DYRK1B: variants seen among roughly 807,000 people sequenced by gnomAD.
DYRK1B encodes dual specificity tyrosine phosphorylation regulated kinase 1B, also known as dual specificity tyrosine-phosphorylation-regulated kinase 1B.
Under a neutral mutation model 57.1 loss-of-function variants are expected in DYRK1B, and 20 were observed. That is an observed-to-expected ratio of 0.35 (90% CI 0.25 to 0.51). The LOEUF is 0.51. Among genes scored for constraint, DYRK1B ranks in the 20% least tolerant of loss-of-function variants. The pLI is 0.96. For synonymous variants in DYRK1B, 409 were observed against 384.7 expected (o/e 1.06, Z -0.74); for missense variants, 732 against 886.3 (o/e 0.83, Z 2.21).
Position 39,827,376 on chromosome 19 carries a change from G to A in DYRK1B, c.1004C>T (p.Ala335Val), listed in dbSNP as rs768240931. The part of the protein sequence containing the change: ...IVEVLGIPPA[A>V]MLDQAPKARK... ...AGCCTTGGGCGCCTGGTCCAGCATGGCGGCCGGTGGGATGCCCAGCACCTC... is the reference window on the plus strand; with the variant it reads ...AGCCTTGGGCGCCTGGTCCAGCATGACGGCCGGTGGGATGCCCAGCACCTC... Residue 335 changes from alanine (A) to valine (V), a missense_variant, in exon 8 of 11, where the codon GCC becomes GTC. Coordinates refer to ENST00000323039, the MANE Select transcript of DYRK1B (RefSeq NM_004714.3). 2 of 1,613,710 alleles carry A rather than the reference G, an allele frequency of 1.2e-6. No individual in the cohort carries two copies. Among genetic ancestry groups the A allele is most frequent in the Non-Finnish European group, 1.7e-6 (2 of 1,179,714 alleles).
At chr19:39,830,867 C>A in intron 2 of DYRK1B, 84 bp from the exon 3 acceptor site, 1 of 1,473,708 alleles carries the variant, frequency 6.8e-7, no homozygotes, top group Non-Finnish European at 9.1e-7. Context: ...GCTGCTGGCA[C>A]ATCATGTATT....
chr19:39,833,503 C>A, intron 1 of DYRK1B: 1 of 242,048 alleles, frequency 4.1e-6, no homozygotes, highest in Non-Finnish European at 6.7e-6. Context: ...CAGCCCAGGG[C>A]ACGCGGGGGA....
Position 39,825,422 on chromosome 19 carries a change from T to C in DYRK1B, c.*293A>G. 2.5e-6 allele frequency: 1 copy of C among 399,752 alleles called. No individual in the cohort carries two copies. Among genetic ancestry groups the C allele is most frequent in the Non-Finnish European group, 4.5e-6 (1 of 221,584 alleles). The allele number at this position is 399,752 out of a possible 1,614,324, so 24.8% of individuals were successfully genotyped here. A position where few individuals can be genotyped will look rare whatever the true frequency, so the allele number is the denominator to read the frequency against. On this transcript the variant is annotated 3_prime_UTR_variant, in exon 11 of 11. Transcript: ENST00000323039. ...TCTCCCCCTACCTGCCCCCACCCCC[T>C]CCTAGGGTCCTGGGGTGAGGGGGGG...
intron 1 of DYRK1B, chr19:39,833,554 C>A (rs751872915): frequency 6.2e-6 from 1 of 162,538 alleles, no homozygotes; most frequent in Non-Finnish European, 1.3e-5. Context: ...ACACGCCCCA[C>A]CCTGAGTGAC....
chr19:39,828,407 G>A lies in DYRK1B; in HGVS notation c.697C>T (p.Leu233Phe). ...TTGAGGTCGCAGTGAATGATGCTGA[G>A]CTCAGGCGTGGCCAGAAAGAGCAGT... is the stretch of plus-strand genomic sequence containing the variant. Reference protein sequence around the residue: ...TALLFLATPELSIIHCDLKPE... With the variant: ...TALLFLATPEFSIIHCDLKPE... The change falls in exon 6 of 11, where the codon CTC (leucine) becomes TTC (phenylalanine). Residue 233 changes from leucine to phenylalanine, a missense_variant. Transcript: ENST00000323039. This position sits in a 1 kb window ranked among gnomAD's most constrained non-coding sequence, Gnocchi z 4.3. 6.2e-7 allele frequency: 1 copy of A among 1,614,070 alleles called. No homozygotes were observed. The highest frequency in any genetic ancestry group is 8.5e-7 in the Non-Finnish European group (1 of 1,179,968).
chr19:39,829,833 C>A, intron 5 of DYRK1B, 47 bp downstream of exon 5: 1 of 1,600,592 alleles, frequency 6.2e-7, no homozygotes, highest in Non-Finnish European at 8.5e-7. Context: ...CTGGCTCCAG[C>A]TCCCGCTATC....
chr19:39,826,626 A>T lies in DYRK1B; in HGVS notation c.1411+46T>A, dbSNP rs1369628818. 6.6e-7 allele frequency: 1 copy of T among 1,518,548 alleles called. No individual in the cohort carries two copies. Among genetic ancestry groups the T allele is most frequent in the East Asian group, 2.4e-5 (1 of 41,090 alleles). The allele number at this position is 1,518,548 out of a possible 1,614,324, so 94.1% of individuals were successfully genotyped here. A position where few individuals can be genotyped will look rare whatever the true frequency, so the allele number is the denominator to read the frequency against. ...GGTCCCCCAGGACAGGCCAAACCTG[A>T]GCAGCCCCCACCCGTTGTACCCCAT... is the stretch of plus-strand genomic sequence containing the variant. On this transcript the variant is annotated intron_variant, in intron 9 of 10. Coordinates refer to ENST00000323039, the MANE Select transcript of DYRK1B (RefSeq NM_004714.3). This position sits in a 1 kb window ranked among gnomAD's most constrained non-coding sequence, Gnocchi z 6.3.
chr19:39,833,039 A>T, intron 1 of DYRK1B: 1 of 985,254 alleles, frequency 1.0e-6, no homozygotes, highest in Non-Finnish European at 1.2e-6. Context: ...GAGGGCCTCA[A>T]AGTCAAATCC....
intron 5 of DYRK1B, 43 bp downstream of exon 5, chr19:39,829,837 C>T (rs747709737): frequency 2.5e-5 from 40 of 1,602,882 alleles, no homozygotes; most frequent in Non-Finnish European, 2.9e-5. Flanking sequence ...CTCCAGCTCC[C>T]GCTATCCCAG....
rs1471457735 is a variant in DYRK1B at position 39,825,511 on chromosome 19, CCCAAGGGT to C, written c.*196_*203del. On this transcript the variant is annotated 3_prime_UTR_variant, in exon 11 of 11. Transcript: ENST00000323039. ...AAATAGAAAAAAAGGGGGAGAGGGGCCCAAGGGTCCAGTCCTTAGTGGGGAGGGAGCGG... is the reference window on the plus strand; with the variant it reads ...AAATAGAAAAAAAGGGGGAGAGGGGCCCAGTCCTTAGTGGGGAGGGAGCGG... The C allele has an allele frequency of 1.2e-5, 7 of 587,374 alleles. No homozygotes were observed. The highest frequency in any genetic ancestry group is 4.6e-4 in the Middle Eastern group (1 of 2,182). The allele number at this position is 587,374 out of a possible 1,614,324, so 36.4% of individuals were successfully genotyped here. A position where few individuals can be genotyped will look rare whatever the true frequency, so the allele number is the denominator to read the frequency against.
At position 39,830,646 on chromosome 19, in the gene DYRK1B, C is replaced by T; in HGVS notation, c.183+18G>A. 1 of 1,612,878 alleles carries T rather than the reference C, an allele frequency of 6.2e-7. No homozygotes were observed. ...AGACCCTCGGCACCCAGCCCAGGAT[C>T]CCCCAGCCCCTGCCCACCTCATTGA... On this transcript the variant is annotated intron_variant, in intron 3 of 10. Coordinates refer to ENST00000323039, the MANE Select transcript of DYRK1B (RefSeq NM_004714.3).
chr19:39,829,788 T>A (rs1450158186), intron 5 of DYRK1B, 92 bp downstream of exon 5: 1 of 1,446,750 alleles, frequency 6.9e-7, no homozygotes, highest in Admixed American at 2.2e-5. Context: ...ATCAGCCTCC[T>A]CCTGAGAGTA....
Position 39,826,356 on chromosome 19 carries a change from G to T in DYRK1B, c.1412-70C>A. 1 of 1,293,860 alleles carries T rather than the reference G, an allele frequency of 7.7e-7. No homozygotes were observed. The highest frequency in any genetic ancestry group is 1.1e-6 in the Non-Finnish European group (1 of 944,838). 80.1% of individuals were successfully genotyped at this position (1,293,860 alleles called of 1,614,324 possible). On this transcript the variant is annotated intron_variant, in intron 9 of 10. Coordinates refer to ENST00000323039, the MANE Select transcript of DYRK1B (RefSeq NM_004714.3). The surrounding 1 kb of genome is among the most constrained non-coding windows in gnomAD (Gnocchi z 6.3). ...AAGGTGGCGAGTGGGTTTTGGGATG[G>T]CTGAGGGAAGGTCACGGCCCAGGCT...
intron 5 of DYRK1B, chr19:39,829,606 T>C: frequency 2.9e-6 from 1 of 339,556 alleles, no homozygotes; most frequent in Non-Finnish European, 5.3e-6. Flanking sequence ...AATAATGCCC[T>C]TCCCCTTATG....
Position 39,828,197 on chromosome 19 carries a change from C to CTAA in DYRK1B, c.807+97_807+99dup. On this transcript the variant is annotated intron_variant, in intron 6 of 10. Transcript: ENST00000323039. This position sits in a 1 kb window ranked among gnomAD's most constrained non-coding sequence, Gnocchi z 4.3. ...CATTATCCCTCAGTTCCCACGGCTC[C>CTAA]TAATAATCCCATCCCAGCCAAGCCC... 1.5e-6 allele frequency: 2 copies of CTAA among 1,347,374 alleles called. No homozygotes were observed. Among genetic ancestry groups the CTAA allele is most frequent in the Non-Finnish European group, 2.0e-6 (2 of 985,126 alleles). The allele number at this position is 1,347,374 out of a possible 1,614,324, so 83.5% of individuals were successfully genotyped here.
At position 39,825,854 on chromosome 19, in the gene DYRK1B, G is replaced by A. The variant is rs1968502940; in HGVS notation, c.1751C>T (p.Pro584Leu). 2 of 1,607,278 alleles carry A rather than the reference G, an allele frequency of 1.2e-6. No individual in the cohort carries two copies. The highest frequency in any genetic ancestry group is 1.7e-6 in the Non-Finnish European group (2 of 1,177,170). ...GAGGGCTGAGGCAGCCGGGTGCTGG[G>A]GGGCAGGCGCTGGGTGAGGTGGGGA... ...DCSPPHPAPA[P>L]QHPAASALRT... is the part of the protein sequence containing the mutation. Residue 584 changes from proline (P) to leucine (L), a missense_variant, in exon 11 of 11, where the codon CCC (proline) becomes CTC (leucine). Pro to Leu is a moderately conservative substitution (Grantham distance 98). Around this residue, in one of 2 missense-constraint regions of DYRK1B, gnomAD observed 222 missense variants for 205.0 expected, o/e 1.08. Transcript: ENST00000323039.
chr19:39,827,655 A>G lies in DYRK1B; in HGVS notation c.809T>C (p.Ile270Thr). ...GAAGCGGCTCTGGATATACTGGTAGATCTGGGAAAAGGGTAATCGTCAAGG... is the reference window on the plus strand; with the variant it reads ...GAAGCGGCTCTGGATATACTGGTAGGTCTGGGAAAAGGGTAATCGTCAAGG... ...FGSSCQLGQR[I>T]YQYIQSRFYR... is the part of the protein sequence containing the mutation. Residue 270 changes from isoleucine to threonine, a missense_variant and splice_region_variant, in exon 7 of 11, where the codon ATC becomes ACC. Ile to Thr is a moderately conservative substitution (Grantham distance 89). Transcript: ENST00000323039. 6.2e-7 allele frequency: 1 copy of G among 1,613,208 alleles called. No homozygotes were observed. The highest frequency in any genetic ancestry group is 1.7e-4 in the Middle Eastern group (1 of 6,054).
At position 39,830,527 on chromosome 19, in the gene DYRK1B, C is replaced by A. The variant is rs1461922173; in HGVS notation, c.220G>T (p.Ala74Ser). Residue 74 changes from alanine to serine, a missense_variant, in exon 4 of 11, where the codon GCG (alanine) becomes TCG (serine). Physicochemically the swap from Ala to Ser is moderately conservative, Grantham distance 99. Coordinates refer to ENST00000323039, the MANE Select transcript of DYRK1B (RefSeq NM_004714.3). ...YAKKKRRAQQ[A>S]PPQDSSNKKE... is the part of the protein sequence containing the mutation. ...TTGTTGCTCGAATCCTGGGGTGGCG[C>A]CTGCTGGGCCCGCCGCTTCTTCTTC... 6.2e-7 allele frequency: 1 copy of A among 1,613,866 alleles called. No homozygotes were observed. The highest frequency in any genetic ancestry group is 8.5e-7 in the Non-Finnish European group (1 of 1,179,824).
At chr19:39,831,702 A>G (rs1599647026) in intron 2 of DYRK1B, 103 bp downstream of exon 2, 6 of 1,423,430 alleles carry the variant, frequency 4.2e-6, no homozygotes, top group Non-Finnish European at 2.9e-6. Flanking sequence ...TTATGTGCCC[A>G]GAAGAATGTC....
Sources: gnomAD v4.1 joint callset for allele counts on GRCh38, gnomAD v4.1.1 for gene constraint, gnomAD v4.1.1 regional missense constraint, Gnocchi (gnomAD v3.1) non-coding constraint, MANE v1.5 for transcripts, NCBI Gene and HGNC (gene_info 2026-07-23, HGNC 2026-07-21) for gene names.